Variants in TMEM63C observed in about 807,000 individuals in gnomAD.
TMEM63C encodes the protein transmembrane protein 63C, also known as osmosensitive cation channel TMEM63C.
TMEM63C carries 32 observed loss-of-function variants against 99.2 expected under a neutral mutation model. The observed-to-expected ratio is 0.32, with a 90% CI of 0.24 to 0.43. The LOEUF is 0.43. Ranked by LOEUF, TMEM63C falls within the 20% of genes least tolerant of loss-of-function variation. The pLI, the probability that TMEM63C is intolerant of heterozygous loss-of-function variation, is 1.00. For synonymous variants in TMEM63C, 376 were observed against 397.9 expected, an observed-to-expected ratio of 0.94 and a Z score of 0.66; for missense variants, 826 against 1,053.0, an observed-to-expected ratio of 0.78 and a Z score of 2.98.
In TMEM63C at chr14:77,246,727, T is replaced by G. The variant is rs8006732; in HGVS notation, c.1601+53T>G. ...CTGCTGTGTGTGCACACAGGAGTGG[T>G]TATATGTGCTCTTCCCTGAGTCCAG... On this transcript the variant is annotated intron_variant, in intron 18 of 23. Transcript: ENST00000298351. The G allele has an allele frequency of 0.14, 206,997 of 1,475,320 alleles. 17,259 individuals are homozygous for G. Among genetic ancestry groups the G allele is most frequent in the African/African-American group, 0.38 (27,353 of 72,160 alleles). The allele number at this position is 1,475,320 out of a possible 1,614,324, so 91.4% of individuals were successfully genotyped here. A position where few individuals can be genotyped will look rare whatever the true frequency, so the allele number is the denominator to read the frequency against.
At chr14:77,203,438 G>A (rs184883783) in intron 1 of TMEM63C, among the ~76,000 whole-genome samples, 44 of 149,738 alleles carry the variant, frequency 2.9e-4, no homozygotes, top group Non-Finnish European at 3.4e-4. Flanking sequence ...AGTCTTCCTC[G>A]CCACCTAGTT....
chr14:77,242,329 C>T lies in TMEM63C; in HGVS notation c.1065-18C>T. The T allele has an allele frequency of 6.3e-7, 1 of 1,596,276 alleles. No homozygotes were observed. The highest frequency in any genetic ancestry group is 8.6e-7 in the Non-Finnish European group (1 of 1,167,572). On this transcript the variant is annotated intron_variant, in intron 13 of 23. Transcript: ENST00000298351. ...CACCCCCAGACCCACATTTCTTCCT[C>T]TTCTCCCCTCTCTGCAGTGTCCGTA...
intron 1 of TMEM63C, among the ~76,000 whole-genome samples, chr14:77,187,513 C>T (rs540772397): frequency 8.5e-5 from 13 of 152,372 alleles, no homozygotes; most frequent in Non-Finnish European, 1.2e-4. Flanking sequence ...CTCCACACTC[C>T]ATGGAGGGGC....
chr14:77,187,400 G>A (rs1357656655), intron 1 of TMEM63C, among the ~76,000 whole-genome samples: 1 of 152,230 alleles, frequency 6.6e-6, no homozygotes, highest in Non-Finnish European at 1.5e-5. Flanking sequence ...TCGAGTCACG[G>A]GAGCAGGGAA....
At chr14:77,223,629 G>A (rs897670321) in intron 5 of TMEM63C, among the ~76,000 whole-genome samples, 4 of 152,130 alleles carry the variant, frequency 2.6e-5, no homozygotes, top group Admixed American at 6.5e-5. Context: ...GTACTCAGGG[G>A]AGGGAGTGTG....
At chr14:77,185,362 C>A (rs375140018) in intron 1 of TMEM63C, among the ~76,000 whole-genome samples, 1 of 152,244 alleles carries the variant, frequency 6.6e-6, no homozygotes, top group African/African-American at 2.4e-5. Flanking sequence ...ACCAAACTGT[C>A]CCCTCCCCAT....
At chr14:77,238,510 G>A (rs1304594529) in intron 9 of TMEM63C, among the ~76,000 whole-genome samples, 184 bp from the exon 10 acceptor site, 1 of 152,202 alleles carries the variant, frequency 6.6e-6, no homozygotes, top group Non-Finnish European at 1.5e-5. Flanking sequence ...AAGGCAGCTG[G>A]CACTTCCTTG....
chr14:77,182,071 A>G (rs1053446410), intron 1 of TMEM63C, among the ~76,000 whole-genome samples, 177 bp downstream of exon 1: 1 of 152,116 alleles, frequency 6.6e-6, no homozygotes, highest in Non-Finnish European at 1.5e-5. Context: ...GTCCCTTGCC[A>G]CGCTGGCTGT....
At chr14:77,186,744 T>C (rs2140086633) in intron 1 of TMEM63C, among the ~76,000 whole-genome samples, 1 of 147,006 alleles carries the variant, frequency 6.8e-6, no homozygotes, top group South Asian at 2.2e-4. Flanking sequence ...CCTGAGGACC[T>C]GGCAGAGGGG....
intron 1 of TMEM63C, among the ~76,000 whole-genome samples, chr14:77,194,539 TTCTTTCTTTCTTTCTC>T (rs1888177348): frequency 7.0e-5 from 2 of 28,704 alleles, no homozygotes; most frequent in African/African-American, 3.1e-4. Flanking sequence ...CTTTCTTTCT[TTCTTTCTTTCTTTCTC>T]TTTCTTTCTT....
intron 1 of TMEM63C, among the ~76,000 whole-genome samples, chr14:77,200,826 G>C (rs1373895147): frequency 6.6e-6 from 1 of 152,158 alleles, no homozygotes; most frequent in Non-Finnish European, 1.5e-5. Flanking sequence ...GTGATGCCTT[G>C]AGGCCAACTG....
At chr14:77,188,102 G>C (rs543222897) in intron 1 of TMEM63C, among the ~76,000 whole-genome samples, 2 of 152,240 alleles carry the variant, frequency 1.3e-5, no homozygotes, top group Admixed American at 1.3e-4. Context: ...TCCCAGTCCT[G>C]GTCCTTATCC....
chr14:77,253,662 C>T (rs574883519), intron 23 of TMEM63C, among the ~76,000 whole-genome samples: 1 of 152,350 alleles, frequency 6.6e-6, no homozygotes, highest in East Asian at 1.9e-4. Flanking sequence ...GAGACCACAG[C>T]GACCTCGGTC....
chr14:77,183,101 T>C (rs1040601123), intron 1 of TMEM63C, among the ~76,000 whole-genome samples: 5 of 152,136 alleles, frequency 3.3e-5, no homozygotes, highest in African/African-American at 1.2e-4. Context: ...CTGGGACAGA[T>C]GACCTTCCCT....
chr14:77,215,671 T>TGCC (rs557837362), intron 2 of TMEM63C, among the ~76,000 whole-genome samples: 4,520 of 150,388 alleles, frequency 0.03, 100 homozygotes, highest in Non-Finnish European at 0.047. Context: ...ACTCACTGGC[T>TGCC]GCCGCCGCCA....
intron 5 of TMEM63C, among the ~76,000 whole-genome samples, chr14:77,222,027 A>G (rs1205881246): frequency 6.6e-6 from 1 of 152,026 alleles, no homozygotes; most frequent in African/African-American, 2.4e-5. Context: ...CTCCTGGGCA[A>G]TGACACCCAC....
intron 1 of TMEM63C, among the ~76,000 whole-genome samples, chr14:77,209,431 G>A (rs1888458479): frequency 6.6e-6 from 1 of 152,174 alleles, no homozygotes. Flanking sequence ...GTGTCTCTGG[G>A]TAAAGGGCCT....
intron 2 of TMEM63C, 94 bp from the exon 3 acceptor site, chr14:77,218,707 T>C: frequency 2.9e-6 from 4 of 1,363,534 alleles, no homozygotes; most frequent in Non-Finnish European, 4.0e-6. Context: ...GCCGAGGCAC[T>C]CGGTGCCCAT....
intron 1 of TMEM63C, among the ~76,000 whole-genome samples, chr14:77,202,865 A>G (rs1361962738): frequency 1.6e-5 from 1 of 63,338 alleles, no homozygotes; most frequent in Admixed American, 1.4e-4. Flanking sequence ...ACACACACAC[A>G]CGCACACACA....
Sources: allele counts gnomAD v4.1 joint callset (sites outside exome capture counted in the v4.1 genomes callset), GRCh38; gene constraint gnomAD v4.1.1; transcripts MANE v1.5; gene names NCBI Gene and HGNC (gene_info 2026-07-23, HGNC 2026-07-21).